The following PRKG1 variants were observed in gnomAD, a reference collection of about 807,000 sequenced individuals.
PRKG1 encodes the protein protein kinase cGMP-dependent 1.
A neutral mutation model predicts 88.1 loss-of-function variants in PRKG1; 35 were observed. That is an observed-to-expected ratio of 0.40 (90% CI 0.30 to 0.53). PRKG1 has a LOEUF of 0.53. Ranked by LOEUF, PRKG1 falls within the 20% of genes least tolerant of loss-of-function variation. The probability of loss-of-function intolerance (pLI) is 0.59; values close to 1 mark genes in which losing one functional copy is unlikely to be tolerated. For synonymous variants in PRKG1, 303 were observed against 292.5 expected, an observed-to-expected ratio of 1.04 and a Z score of -0.37; for missense variants, 540 against 839.8, an observed-to-expected ratio of 0.64 and a Z score of 4.41.
At chr10:51,361,537 T>C (rs912186213) in intron 2 of PRKG1, among the ~76,000 whole-genome samples, 13 of 152,012 alleles carry the variant, frequency 8.6e-5, no homozygotes, top group African/African-American at 3.1e-4. Context: ...GTTCATGAAA[T>C]TATTGAGAGC....
Position 51,730,839 on chromosome 10 carries a change from G to A in PRKG1, c.593-73746G>A, listed in dbSNP as rs189600886. Among the ~76,000 whole-genome samples the A allele has an allele frequency of 1.9e-3, 293 of 152,300 alleles. 2 individuals carry two copies. The highest frequency in any genetic ancestry group is 6.7e-3 in the African/African-American group (280 of 41,566). On this transcript the variant is annotated intron_variant, in intron 3 of 17. Transcript: ENST00000373980. ...AACAGATATATGATCAGGAGGAGGA[G>A]ACTATTAATGTATTTCAACTTACAA...
chr10:51,056,279 G>C (rs1843625024), intron 1 of PRKG1, among the ~76,000 whole-genome samples: 1 of 152,210 alleles, frequency 6.6e-6, no homozygotes, highest in Non-Finnish European at 1.5e-5. Flanking sequence ...CCTTCAGGAA[G>C]AGGAGCCCTA....
intron 4 of PRKG1, among the ~76,000 whole-genome samples, chr10:51,848,625 G>T (rs1348086238): frequency 7.0e-6 from 1 of 143,484 alleles, no homozygotes; most frequent in Non-Finnish European, 1.5e-5. Context: ...AATTCTGTGT[G>T]TCTGTATCTG....
chr10:52,219,876 T>C (rs1190561494), intron 9 of PRKG1, among the ~76,000 whole-genome samples: 1 of 152,194 alleles, frequency 6.6e-6, no homozygotes, highest in Non-Finnish European at 1.5e-5. Context: ...TAAACATACA[T>C]TTCTCATTTA....
At chr10:51,752,700 T>C (rs527945092) in intron 3 of PRKG1, among the ~76,000 whole-genome samples, 1 of 152,250 alleles carries the variant, frequency 6.6e-6, no homozygotes, top group South Asian at 2.1e-4. Flanking sequence ...GCTATTTAAT[T>C]CTGTGAAGGA....
At chr10:52,056,663 A>T (rs1846117721) in intron 6 of PRKG1, among the ~76,000 whole-genome samples, 1 of 152,188 alleles carries the variant, frequency 6.6e-6, no homozygotes, top group South Asian at 2.1e-4. Context: ...TTTTACTTTA[A>T]ACCAGACATA....
chr10:51,637,406 T>A (rs1024634284), intron 3 of PRKG1, among the ~76,000 whole-genome samples: 6 of 152,184 alleles, frequency 3.9e-5, no homozygotes, highest in Non-Finnish European at 7.3e-5. Flanking sequence ...GACCCAGCAA[T>A]CCCATTACTG....
At chr10:51,921,197 A>G (rs1009164903) in intron 5 of PRKG1, among the ~76,000 whole-genome samples, 2 of 152,056 alleles carry the variant, frequency 1.3e-5, no homozygotes, top group Non-Finnish European at 2.9e-5. Flanking sequence ...TTGTGTTTTT[A>G]ATTTCAAATT....
In PRKG1 at chr10:52,297,737, T is replaced by A. The variant is rs3812673; in HGVS notation, c.*3837T>A. ...CAGTCAAGTTCTAACATATCTCATT[T>A]TATAGACTCCATTGACAATGGTCCA... On this transcript the variant is annotated 3_prime_UTR_variant, in exon 18 of 18. Coordinates refer to ENST00000373980, the MANE Select transcript of PRKG1 (RefSeq NM_006258.4). The A allele has an allele frequency of 1.3e-5, 2 of 152,192 alleles. No homozygotes were observed. The highest frequency in any genetic ancestry group is 3.8e-4 in the East Asian group (2 of 5,202). The allele number at this position is 152,192 out of a possible 1,614,324, so 9.4% of individuals were successfully genotyped here. A position where few individuals can be genotyped will look rare whatever the true frequency, so the allele number is the denominator to read the frequency against.
chr10:51,991,692 C>T (rs1384997521), intron 5 of PRKG1, among the ~76,000 whole-genome samples: 2 of 152,142 alleles, frequency 1.3e-5, no homozygotes, highest in East Asian at 3.9e-4. Context: ...CATCCATATC[C>T]CTACAAAGGA....
Position 51,683,147 on chromosome 10 carries a change from C to T in PRKG1, c.593-121438C>T, listed in dbSNP as rs1006782719. On this transcript the variant is annotated intron_variant, in intron 3 of 17. Coordinates refer to ENST00000373980, the MANE Select transcript of PRKG1 (RefSeq NM_006258.4). Reference sequence around the variant, plus strand: ...AAGCTAAACAAATAGCCAGTAAGCACATGAAAATGCTGAAAATAGTTAGCC... The same window carrying T: ...AAGCTAAACAAATAGCCAGTAAGCATATGAAAATGCTGAAAATAGTTAGCC... Among the ~76,000 whole-genome samples, 17 of 152,254 alleles carry T rather than the reference C, an allele frequency of 1.1e-4. No homozygotes were observed. The East Asian group carries it at 3.3e-3, about 29-fold the overall frequency.
At chr10:51,493,592 C>A (rs1278715267) in intron 3 of PRKG1, among the ~76,000 whole-genome samples, 1 of 152,048 alleles carries the variant, frequency 6.6e-6, no homozygotes, top group Non-Finnish European at 1.5e-5. Context: ...AGTCAAGATT[C>A]TTCGCTTGGA....
At chr10:52,259,121 C>CAAAAA (rs57994383) in intron 10 of PRKG1, among the ~76,000 whole-genome samples, 1 of 99,036 alleles carries the variant, frequency 1.0e-5, no homozygotes. Context: ...TTAGACTTGC[C>CAAAAA]AAAAAAAAAA....
At chr10:51,334,422 A>G (rs547932243) in intron 2 of PRKG1, among the ~76,000 whole-genome samples, 89 of 152,312 alleles carry the variant, frequency 5.8e-4, no homozygotes, top group African/African-American at 2.1e-3. Context: ...CGTGGCCTGG[A>G]ATATAATAGA....
intron 4 of PRKG1, among the ~76,000 whole-genome samples, chr10:51,874,474 T>G (rs1841242269): frequency 6.6e-6 from 1 of 152,242 alleles, no homozygotes; most frequent in Admixed American, 6.5e-5. Flanking sequence ...TTTTGTAAAT[T>G]CATTATCTGC....
chr10:51,533,288 A>G (rs191873903), intron 3 of PRKG1, among the ~76,000 whole-genome samples: 1 of 152,334 alleles, frequency 6.6e-6, no homozygotes, highest in Admixed American at 6.5e-5. Context: ...TAACTTTTTC[A>G]CAATTCTTTT....
intron 2 of PRKG1, among the ~76,000 whole-genome samples, chr10:51,197,802 G>T (rs1028239291): frequency 1.3e-5 from 2 of 151,130 alleles, no homozygotes. Context: ...AGGTTTAAGA[G>T]GTGCTATTAG....
At chr10:52,272,563 TATA>T (rs1236330556) in intron 12 of PRKG1, 82 bp downstream of exon 12, 1 of 932,032 alleles carries the variant, frequency 1.1e-6, no homozygotes, top group African/African-American at 1.7e-5. Flanking sequence ...TATGATAAAG[TATA>T]ATAATCATAT....
At chr10:52,114,400 C>A (rs1027804108) in intron 7 of PRKG1, among the ~76,000 whole-genome samples, 15 of 151,920 alleles carry the variant, frequency 9.9e-5, no homozygotes, top group Non-Finnish European at 2.2e-4. Flanking sequence ...AGTAGGTATT[C>A]TAGACTTTAC....
Sources: allele counts gnomAD v4.1 joint callset (sites outside exome capture counted in the v4.1 genomes callset), GRCh38; gene constraint gnomAD v4.1.1; transcripts MANE v1.5; gene names NCBI Gene and HGNC (gene_info 2026-07-23, HGNC 2026-07-21).